STXBP5L: variants seen among roughly 807,000 people sequenced by gnomAD.
The protein encoded by STXBP5L is syntaxin-binding protein 5-like.
STXBP5L carries 65 observed loss-of-function variants against 144.5 expected under a neutral mutation model. The observed-to-expected ratio is 0.45, with a 90% CI of 0.37 to 0.55. The LOEUF (loss-of-function observed/expected upper bound fraction) is 0.55. Among genes scored for constraint, STXBP5L ranks in the 20% least tolerant of loss-of-function variants. STXBP5L has a pLI of 0.00. For missense variants in STXBP5L, 1,298 were observed against 1,405.5 expected, an observed-to-expected ratio of 0.92 and a Z score of 1.22; for synonymous variants, 505 against 469.6, an observed-to-expected ratio of 1.08 and a Z score of -0.97.
intron 10 of STXBP5L, among the ~76,000 whole-genome samples, chr3:121,210,467 G>A (rs2048517028): frequency 6.6e-6 from 1 of 152,066 alleles, no homozygotes; most frequent in Non-Finnish European, 1.5e-5. Context: ...GGCTTTTGTT[G>A]CCATTGCTTT....
chr3:121,083,755 A>G (rs2042360329), intron 5 of STXBP5L, among the ~76,000 whole-genome samples: 1 of 152,124 alleles, frequency 6.6e-6, no homozygotes, highest in Non-Finnish European at 1.5e-5. Context: ...TTTTTTGGAA[A>G]TTTGGAAATT....
chr3:121,287,337 T>C lies in STXBP5L; in HGVS notation c.2110+7381T>C, dbSNP rs576038486. Among the ~76,000 whole-genome samples the C allele has an allele frequency of 2.0e-5, 3 of 152,286 alleles. No homozygotes were observed. The East Asian group carries it at 5.8e-4, about 29-fold the overall frequency. On this transcript the variant is annotated intron_variant, in intron 19 of 26. Transcript: ENST00000471454. ...ACACATGATTGTCTATGAAGAAAAC[T>C]TAATGAAATCTGCCAAAAACAGCTA...
At chr3:120,981,174 A>T (rs901863198) in intron 3 of STXBP5L, among the ~76,000 whole-genome samples, 14 of 152,124 alleles carry the variant, frequency 9.2e-5, no homozygotes, top group African/African-American at 3.4e-4. Flanking sequence ...TCTGATGAGT[A>T]TATGCCATGG....
intron 20 of STXBP5L, among the ~76,000 whole-genome samples, chr3:121,348,230 G>C (rs541457777): frequency 9.2e-5 from 14 of 151,972 alleles, no homozygotes; most frequent in Non-Finnish European, 1.8e-4. Context: ...GGTTTTTGTC[G>C]TTGGTTCTGT....
At chr3:120,987,332 A>G (rs1019608949) in intron 3 of STXBP5L, among the ~76,000 whole-genome samples, 1 of 152,008 alleles carries the variant, frequency 6.6e-6, no homozygotes, top group Non-Finnish European at 1.5e-5. Flanking sequence ...ATGCTGTAGT[A>G]AGAACTAATT....
chr3:120,942,203 A>G (rs1452743506), intron 2 of STXBP5L, among the ~76,000 whole-genome samples: 3 of 151,754 alleles, frequency 2.0e-5, no homozygotes, highest in African/African-American at 7.2e-5. Flanking sequence ...AAAGCAAAAT[A>G]TTAAAATTGT....
intron 2 of STXBP5L, among the ~76,000 whole-genome samples, chr3:120,910,609 A>C (rs1708781400): frequency 6.6e-6 from 1 of 152,154 alleles, no homozygotes; most frequent in South Asian, 2.1e-4. Context: ...AGTTTTGTAA[A>C]TGTGTTTGGC....
At chr3:121,172,347 A>G (rs2046755496) in intron 9 of STXBP5L, among the ~76,000 whole-genome samples, 1 of 152,210 alleles carries the variant, frequency 6.6e-6, no homozygotes, top group African/African-American at 2.4e-5. Flanking sequence ...GATCTAATTA[A>G]ATAAAAGGGC....
chr3:121,335,142 T>C lies in STXBP5L; in HGVS notation c.2176+16602T>C, dbSNP rs772980748. On this transcript the variant is annotated intron_variant, in intron 20 of 26. Coordinates refer to ENST00000471454, the MANE Select transcript of STXBP5L (RefSeq NM_001308330.2). ...ACAAGAATCAATGTACAAAAATTAC[T>C]AGCATTTCTATACACCAACAATAGC... 2.0e-5 allele frequency among the ~76,000 whole-genome samples: 3 copies of C among 152,106 alleles called. No homozygotes were observed. In the South Asian group the frequency reaches 6.2e-4, roughly 32 times the overall value.
At chr3:121,013,291 A>G (rs529484365) in intron 3 of STXBP5L, among the ~76,000 whole-genome samples, 112 of 152,186 alleles carry the variant, frequency 7.4e-4, no homozygotes, top group Middle Eastern at 3.4e-3. Flanking sequence ...CAGAGGCTGA[A>G]CTAATTTGCA....
At chr3:120,961,401 C>A (rs540715703) in intron 3 of STXBP5L, among the ~76,000 whole-genome samples, 1 of 151,888 alleles carries the variant, frequency 6.6e-6, no homozygotes, top group African/African-American at 2.4e-5. Flanking sequence ...TTAGGTATTT[C>A]TCCTAATGCT....
intron 10 of STXBP5L, among the ~76,000 whole-genome samples, chr3:121,214,866 C>T (rs563700074): frequency 6.6e-6 from 1 of 152,164 alleles, no homozygotes. Context: ...TCTCTAAGAA[C>T]TTACTTTATG....
At chr3:121,020,675 A>G (rs1432941920) in intron 3 of STXBP5L, among the ~76,000 whole-genome samples, 2 of 152,162 alleles carry the variant, frequency 1.3e-5, no homozygotes, top group African/African-American at 4.8e-5. Context: ...TTCATAAATG[A>G]AGGGAAGATA....
rs536348898 is a variant in STXBP5L at position 120,989,583 on chromosome 3, G to A, written c.287+34546G>A. 2.8e-4 allele frequency among the ~76,000 whole-genome samples: 42 copies of A among 152,062 alleles called. 1 individual carries two copies. In the South Asian group the frequency reaches 8.1e-3, roughly 29 times the overall value. ...GCAAATATTTGTCCCATTCTGTCTG[G>A]TAGTTCTATAATATGCTGAGAGTGG... On this transcript the variant is annotated intron_variant, in intron 3 of 26. Transcript: ENST00000471454.
rs182184360 is a variant in STXBP5L, at chr3:121,192,975, A to T, written c.878-12948A>T. On this transcript the variant is annotated intron_variant, in intron 9 of 26. Transcript: ENST00000471454. ...ACAAAAGCCAAAATTGACAAATGGG[A>T]TCTAATTAAACTAAAGAGCTTCTGC... Among the ~76,000 whole-genome samples the T allele has an allele frequency of 4.2e-3, 636 of 150,020 alleles. 6 individuals are homozygous for T. Among genetic ancestry groups the T allele is most frequent in the African/African-American group, 0.015 (605 of 40,872 alleles).
In STXBP5L at chr3:121,381,393, C is replaced by T. The variant is rs571861596; in HGVS notation, c.2448C>T (p.Ser816=). The change falls in exon 22 of 27, where the codon TCC becomes TCT. Residue 816 remains serine (S), a synonymous_variant. Coordinates refer to ENST00000471454, the MANE Select transcript of STXBP5L (RefSeq NM_001308330.2). ...TTACAGCACTATACTTCATGGACTC[C>T]TTTGCACGGAAAAATGACTCTACCA... The part of the protein sequence containing the change: ...EAITALYFMD[S]FARKNDSTIS... 1.2e-6 allele frequency: 2 copies of T among 1,611,140 alleles called. No individual in the cohort carries two copies. The highest frequency in any genetic ancestry group is 2.7e-5 in the African/African-American group (2 of 74,772).
chr3:121,261,265 G>A (rs2108392438), intron 18 of STXBP5L, among the ~76,000 whole-genome samples: 1 of 152,266 alleles, frequency 6.6e-6, no homozygotes, highest in South Asian at 2.1e-4. Context: ...GAAAATGACA[G>A]CTTGGACATC....
intron 5 of STXBP5L, among the ~76,000 whole-genome samples, chr3:121,092,803 A>G (rs1272806938): frequency 6.6e-6 from 1 of 152,146 alleles, no homozygotes; most frequent in South Asian, 2.1e-4. Context: ...AACTTCCAAC[A>G]CCATGTTGAA....
intron 7 of STXBP5L, among the ~76,000 whole-genome samples, chr3:121,150,649 G>T (rs2045899649): frequency 1.3e-5 from 2 of 151,858 alleles, no homozygotes; most frequent in Admixed American, 1.3e-4. Flanking sequence ...AGTGTTTTAG[G>T]ATATTATTTT....
Sources: gnomAD v4.1 joint callset for allele counts (sites outside exome capture counted in the v4.1 genomes callset) on GRCh38, gnomAD v4.1.1 for gene constraint, MANE v1.5 for transcripts, NCBI Gene and HGNC (gene_info 2026-07-23, HGNC 2026-07-21) for gene names.